Variants in POFUT3 observed in about 807,000 individuals in gnomAD.
The protein encoded by POFUT3 is protein O-fucosyltransferase 3.
chr8:33,328,662 C>T, the POFUT3 span, among the ~76,000 whole-genome samples: 283 of 152,272 alleles, frequency 1.9e-3, 1 homozygote, highest in African/African-American at 6.4e-3. Flanking sequence ...ACCACCAGCC[C>T]GAAGCCATCC....
At chr8:33,389,481 G>C in the POFUT3 span, 3 of 1,614,162 alleles carry the variant, frequency 1.9e-6, no homozygotes, top group East Asian at 2.2e-5. Flanking sequence ...ATCAGCTCGC[G>C]AACATAGCTG....
At chr8:33,427,168 CT>C in the POFUT3 span, among the ~76,000 whole-genome samples, 1 of 152,154 alleles carries the variant, frequency 6.6e-6, no homozygotes, top group Non-Finnish European at 1.5e-5. Flanking sequence ...AGCAAAGGGG[CT>C]TGGTGAGCAG....
chr8:33,366,155 G>C, the POFUT3 span, among the ~76,000 whole-genome samples: 1 of 152,114 alleles, frequency 6.6e-6, no homozygotes, highest in South Asian at 2.1e-4. Flanking sequence ...ACTATCACAA[G>C]GACAGAAAAC....
At chr8:33,372,254 G>A in the POFUT3 span, 14 of 1,053,646 alleles carry the variant, frequency 1.3e-5, no homozygotes, top group Admixed American at 1.0e-4. Flanking sequence ...TAGCTAGATC[G>A]TCTCCCTCCA....
At chr8:33,327,057 T>C in the POFUT3 span, among the ~76,000 whole-genome samples, 1 of 152,264 alleles carries the variant, frequency 6.6e-6, no homozygotes, top group African/African-American at 2.4e-5. Flanking sequence ...GGATTACAGG[T>C]GTGAACCACT....
chr8:33,333,472 T>C, the POFUT3 span, among the ~76,000 whole-genome samples: 2 of 151,952 alleles, frequency 1.3e-5, no homozygotes, highest in Non-Finnish European at 2.9e-5. Context: ...ATAAACACTG[T>C]GAAATGAAAA....
chr8:33,446,500 G>C, the POFUT3 span, among the ~76,000 whole-genome samples: 1 of 151,854 alleles, frequency 6.6e-6, no homozygotes, highest in African/African-American at 2.4e-5. Flanking sequence ...TTGGCGCCTG[G>C]CACAGAGTAG....
chr8:33,414,723 A>G, the POFUT3 span, among the ~76,000 whole-genome samples: 246 of 152,174 alleles, frequency 1.6e-3, no homozygotes, highest in South Asian at 3.3e-3. Context: ...TTAACAATCT[A>G]ATCTCCCTTA....
chr8:33,335,801 T>C, the POFUT3 span, among the ~76,000 whole-genome samples: 2 of 151,900 alleles, frequency 1.3e-5, no homozygotes, highest in Non-Finnish European at 2.9e-5. Flanking sequence ...AAAGAGAAAA[T>C]ATATTTACTA....
At chr8:33,425,944 T>G in the POFUT3 span, among the ~76,000 whole-genome samples, 1 of 150,090 alleles carries the variant, frequency 6.7e-6, no homozygotes, top group Non-Finnish European at 1.5e-5. Context: ...CTCTTGTTGC[T>G]CCAGGCTGGA....
At chr8:33,389,161 T>C in the POFUT3 span, 2 of 1,614,160 alleles carry the variant, frequency 1.2e-6, no homozygotes, top group African/African-American at 1.3e-5. Context: ...AATCCAGTCG[T>C]CTGATGTAAC....
chr8:33,364,203 C>G, the POFUT3 span, among the ~76,000 whole-genome samples: 1 of 152,062 alleles, frequency 6.6e-6, no homozygotes, highest in Non-Finnish European at 1.5e-5. Flanking sequence ...CAGAAAAGGC[C>G]TTTGACAAAA....
chr8:33,416,677 C>A, the POFUT3 span, among the ~76,000 whole-genome samples: 2 of 151,900 alleles, frequency 1.3e-5, no homozygotes, highest in Non-Finnish European at 2.9e-5. Flanking sequence ...GAAACCCAGT[C>A]TCTACTAAAA....
the POFUT3 span, among the ~76,000 whole-genome samples, chr8:33,338,543 G>A: frequency 6.6e-6 from 1 of 152,088 alleles, no homozygotes; most frequent in Non-Finnish European, 1.5e-5. Context: ...ACTTCTATAG[G>A]CAAAAATGAA....
chr8:33,330,461 CAA>C, the POFUT3 span, among the ~76,000 whole-genome samples: 2 of 151,790 alleles, frequency 1.3e-5, no homozygotes, highest in Admixed American at 6.6e-5. Context: ...AAACAACAAA[CAA>C]AAAAAATTTC....
chr8:33,453,406 A>C, the POFUT3 span: 45 of 1,614,056 alleles, frequency 2.8e-5, 2 homozygotes, highest in South Asian at 4.8e-4. Context: ...CTTTCTTAAG[A>C]AATGAATTAA....
the POFUT3 span, among the ~76,000 whole-genome samples, chr8:33,332,359 C>T: frequency 2.6e-5 from 4 of 151,768 alleles, no homozygotes; most frequent in Admixed American, 6.6e-5. Context: ...GTCATGGTGG[C>T]CTGTGCCTGT....
At chr8:33,413,325 C>G in the POFUT3 span, among the ~76,000 whole-genome samples, 45,809 of 151,752 alleles carry the variant, frequency 0.3, 7,016 homozygotes, top group South Asian at 0.44. Flanking sequence ...GAGACTAGAG[C>G]TCTCTCGGGC....
At chr8:33,439,451 T>G in the POFUT3 span, among the ~76,000 whole-genome samples, 101,707 of 152,006 alleles carry the variant, frequency 0.67, 34,608 homozygotes, top group African/African-American at 0.78. Flanking sequence ...TGTTCTAATC[T>G]GTTCTCCGTG....
Sources: allele counts gnomAD v4.1 joint callset (sites outside exome capture counted in the v4.1 genomes callset), GRCh38; gene constraint gnomAD v4.1.1; transcripts MANE v1.5; gene names NCBI Gene and HGNC (gene_info 2026-07-23, HGNC 2026-07-21).